The following TXNDC15 variants were observed in gnomAD, a reference collection of about 807,000 sequenced individuals.
TXNDC15 encodes thioredoxin domain-containing protein 15.
TXNDC15 carries 24 observed loss-of-function variants against 35.0 expected under a neutral mutation model. That is an observed-to-expected ratio of 0.68 (90% confidence interval 0.50 to 0.96). TXNDC15 has a LOEUF of 0.96. TXNDC15 is among the 40% of genes least tolerant of loss of function. The pLI is 0.00. For synonymous variants in TXNDC15, 169 were observed against 174.0 expected, an observed-to-expected ratio of 0.97 and a Z score of 0.23; for missense variants, 385 against 453.3, an observed-to-expected ratio of 0.85 and a Z score of 1.37.
chr5:134,882,433 GA>G (rs1750172129), intron 1 of TXNDC15, among the ~76,000 whole-genome samples: 1 of 152,188 alleles, frequency 6.6e-6, no homozygotes. Context: ...TCACTTCCCA[GA>G]CAGGGTGGCG....
intron 1 of TXNDC15, among the ~76,000 whole-genome samples, chr5:134,880,832 C>G (rs895383319): frequency 6.6e-6 from 1 of 151,992 alleles, no homozygotes; most frequent in Non-Finnish European, 1.5e-5. Context: ...CTTTGTTCCT[C>G]TCTACATGAT....
intron 1 of TXNDC15, chr5:134,874,951 C>T: frequency 2.8e-6 from 1 of 363,614 alleles, no homozygotes; most frequent in South Asian, 2.1e-5. Flanking sequence ...ATTTAATGCT[C>T]CCACAAACCC....
At chr5:134,882,350 C>G (rs927667053) in intron 1 of TXNDC15, among the ~76,000 whole-genome samples, 1 of 151,934 alleles carries the variant, frequency 6.6e-6, no homozygotes, top group African/African-American at 2.4e-5. Flanking sequence ...ATGCTCCTCA[C>G]TTTCCAGACT....
At chr5:134,878,806 C>T (rs1358540070) in intron 1 of TXNDC15, among the ~76,000 whole-genome samples, 1 of 152,208 alleles carries the variant, frequency 6.6e-6, no homozygotes. Flanking sequence ...TGAGACCAGC[C>T]TGGCCAACAT....
intron 4 of TXNDC15, among the ~76,000 whole-genome samples, chr5:134,897,066 A>G (rs1750504062): frequency 6.6e-6 from 1 of 151,454 alleles, no homozygotes; most frequent in Admixed American, 6.6e-5. Flanking sequence ...CTCAGCCTCC[A>G]GAGTAGTTGG....
At position 134,887,880 on chromosome 5, in the gene TXNDC15, A is replaced by G. The variant is rs767931787; in HGVS notation, c.289A>G (p.Ile97Val). The stretch of plus-strand genomic sequence containing the variant: ...CGATCACATGGTGATGCTGTCTGTG[A>G]TTCCTGGGGAAGCTGAGGACAAAGT... The part of the protein sequence containing the change: ...QGDHMVMLSV[I>V]PGEAEDKVSS... Residue 97 changes from isoleucine to valine, a missense_variant, in exon 2 of 5, where the codon ATT becomes GTT. Coordinates refer to ENST00000358387, the MANE Select transcript of TXNDC15 (RefSeq NM_024715.4). The G allele has an allele frequency of 1.2e-6, 2 of 1,614,192 alleles. No homozygotes were observed. The highest frequency in any genetic ancestry group is 1.7e-6 in the Non-Finnish European group (2 of 1,180,030).
chr5:134,890,411 C>CT (rs1750366684), intron 2 of TXNDC15, among the ~76,000 whole-genome samples: 2 of 142,862 alleles, frequency 1.4e-5, no homozygotes, highest in Admixed American at 7.1e-5. Flanking sequence ...CTTTTCTTTT[C>CT]TTTCTTTTTT....
At chr5:134,888,203 G>T in intron 2 of TXNDC15, 21 bp downstream of exon 2, 2 of 1,572,548 alleles carry the variant, frequency 1.3e-6, no homozygotes, top group Non-Finnish European at 8.7e-7. Context: ...ATTATTTAGT[G>T]CTTTTCTCCT....
At chr5:134,877,128 G>A (rs1750049451) in intron 1 of TXNDC15, among the ~76,000 whole-genome samples, 1 of 152,198 alleles carries the variant, frequency 6.6e-6, no homozygotes, top group African/African-American at 2.4e-5. Flanking sequence ...GTCAGGGAAT[G>A]TGTCCTTACA....
chr5:134,894,941 A>C (rs1750461085), intron 3 of TXNDC15, among the ~76,000 whole-genome samples: 2 of 152,030 alleles, frequency 1.3e-5, no homozygotes, highest in South Asian at 4.2e-4. Context: ...TGAGAGGCCA[A>C]GGTAGAAGGA....
intron 2 of TXNDC15, among the ~76,000 whole-genome samples, chr5:134,890,140 C>T (rs1270957145): frequency 6.6e-6 from 1 of 152,094 alleles, no homozygotes; most frequent in Non-Finnish European, 1.5e-5. Context: ...AAGTGATCCT[C>T]CCAGCTCAGC....
rs536365407 is a variant in TXNDC15, at chr5:134,901,563, A to T, written c.*1878A>T. 6.6e-6 allele frequency: 1 copy of T among 152,322 alleles called. No homozygotes were observed. The highest frequency in any genetic ancestry group is 2.1e-4 in the South Asian group (1 of 4,830). The allele number at this position is 152,322 out of a possible 1,614,324, so 9.4% of individuals were successfully genotyped here. ...AGTTATTACTGTGTGAGTGCCAAGT[A>T]CTGTTTTAGATGCTTTACATATACT... On this transcript the variant is annotated 3_prime_UTR_variant, in exon 5 of 5. Coordinates refer to ENST00000358387, the MANE Select transcript of TXNDC15 (RefSeq NM_024715.4).
At chr5:134,876,364 C>T (rs1024792176) in intron 1 of TXNDC15, among the ~76,000 whole-genome samples, 1 of 152,154 alleles carries the variant, frequency 6.6e-6, no homozygotes, top group Non-Finnish European at 1.5e-5. Flanking sequence ...GCTTTGCCCC[C>T]GGTGGAAAGC....
intron 4 of TXNDC15, 70 bp downstream of exon 4, chr5:134,896,494 G>A (rs2150190756): frequency 6.3e-7 from 1 of 1,581,900 alleles, no homozygotes; most frequent in East Asian, 2.2e-5. Flanking sequence ...TGTGGGTTCT[G>A]ATCTGCTATA....
intron 2 of TXNDC15, chr5:134,893,263 G>A: frequency 2.1e-6 from 1 of 478,210 alleles, no homozygotes; most frequent in Non-Finnish European, 3.7e-6. Context: ...GCTTAATTCA[G>A]CAAGACTTAA....
At chr5:134,885,047 C>A (rs553654510) in intron 1 of TXNDC15, among the ~76,000 whole-genome samples, 1 of 152,016 alleles carries the variant, frequency 6.6e-6, no homozygotes, top group East Asian at 1.9e-4. Flanking sequence ...CTCAGCCTAC[C>A]GAGTAGCTAA....
chr5:134,897,698 T>C lies in TXNDC15; in HGVS notation c.886+1274T>C, dbSNP rs375407213. Among the ~76,000 whole-genome samples, 21 of 152,366 alleles carry C rather than the reference T, an allele frequency of 1.4e-4. No individual in the cohort carries two copies. The South Asian group carries it at 3.9e-3, about 29-fold the overall frequency. On this transcript the variant is annotated intron_variant, in intron 4 of 4. Transcript: ENST00000358387. ...TACAGGGTGATGAATTTTCACAAAGTGAACACCCTGGGTAACCACTCTGAT... is the reference window on the plus strand; with the variant it reads ...TACAGGGTGATGAATTTTCACAAAGCGAACACCCTGGGTAACCACTCTGAT...
intron 1 of TXNDC15, among the ~76,000 whole-genome samples, chr5:134,885,224 G>A (rs1199402456): frequency 1.3e-5 from 2 of 152,096 alleles, no homozygotes; most frequent in African/African-American, 4.8e-5. Flanking sequence ...ACCTGGCCCC[G>A]TATATATATT....
chr5:134,894,682 G>A (rs1046845780), intron 3 of TXNDC15, among the ~76,000 whole-genome samples: 4 of 151,760 alleles, frequency 2.6e-5, no homozygotes, highest in African/African-American at 9.7e-5. Flanking sequence ...AGTAAAGTAA[G>A]TTACAGAGAA....
Sources: gnomAD v4.1 joint callset for allele counts (sites outside exome capture counted in the v4.1 genomes callset) on GRCh38, gnomAD v4.1.1 for gene constraint, MANE v1.5 for transcripts, NCBI Gene and HGNC (gene_info 2026-07-23, HGNC 2026-07-21) for gene names.